EPHA6: variants seen among roughly 807,000 people sequenced by gnomAD.
EPHA6 encodes EPH receptor A6.
A neutral mutation model predicts 112.0 loss-of-function variants in EPHA6; 50 were observed. The ratio of observed to expected loss-of-function variants is 0.45; its 90% CI spans 0.36 to 0.56. The LOEUF is 0.56. Among genes scored for constraint, EPHA6 ranks in the 20% least tolerant of loss-of-function variants. The pLI is 0.00. For missense variants in EPHA6, 1,280 were observed against 1,417.4 expected, an observed-to-expected ratio of 0.90 and a Z score of 1.56; for synonymous variants, 529 against 490.7, an observed-to-expected ratio of 1.08 and a Z score of -1.03.
chr3:97,703,656 C>T, intron 14 of EPHA6, among the ~76,000 whole-genome samples: 1 of 152,082 alleles, frequency 6.6e-6, no homozygotes. Context: ...TTATCAAAAG[C>T]ACAATCACAT....
At chr3:97,010,073 T>A in intron 3 of EPHA6, 2 of 1,291,358 alleles carry the variant, frequency 1.5e-6, no homozygotes, top group Admixed American at 2.4e-5. Flanking sequence ...CTTTGAAGAA[T>A]AAAAGAAAAA....
chr3:97,601,427 T>C (rs1450561107), intron 12 of EPHA6, among the ~76,000 whole-genome samples: 2 of 152,110 alleles, frequency 1.3e-5, no homozygotes, highest in African/African-American at 4.8e-5. Context: ...CAGGATAGCA[T>C]ACATGCCCTC....
chr3:96,828,734 A>T (rs969859192), intron 1 of EPHA6, among the ~76,000 whole-genome samples: 2 of 152,052 alleles, frequency 1.3e-5, no homozygotes, highest in Non-Finnish European at 2.9e-5. Flanking sequence ...TCCATTCCCA[A>T]CACCTCCACA....
At chr3:97,072,113 A>G (rs2046377604) in intron 3 of EPHA6, among the ~76,000 whole-genome samples, 1 of 152,120 alleles carries the variant, frequency 6.6e-6, no homozygotes, top group South Asian at 2.1e-4. Context: ...TAGCAGCACA[A>G]TTTGCAATTG....
At position 96,928,796 on chromosome 3, in the gene EPHA6, G is replaced by A. The variant is rs574494170; in HGVS notation, c.451-58534G>A. Among the ~76,000 whole-genome samples, 127 of 152,174 alleles carry A rather than the reference G, an allele frequency of 8.3e-4. 1 individual carries two copies. Among genetic ancestry groups the A allele is most frequent in the African/African-American group, 2.9e-3 (121 of 41,510 alleles). On this transcript the variant is annotated intron_variant, in intron 2 of 17. Coordinates refer to ENST00000389672, the MANE Select transcript of EPHA6 (RefSeq NM_001080448.3). ...CTAAGATCTTGCTTTATGAATCTGGGTGCTCCTCTATTGGGTGCATATATA... is the reference window on the plus strand; with the variant it reads ...CTAAGATCTTGCTTTATGAATCTGGATGCTCCTCTATTGGGTGCATATATA...
At chr3:97,045,798 T>C (rs2045484993) in intron 3 of EPHA6, among the ~76,000 whole-genome samples, 1 of 152,126 alleles carries the variant, frequency 6.6e-6, no homozygotes, top group Non-Finnish European at 1.5e-5. Flanking sequence ...ACTGCCCTTC[T>C]TGAAATGGTG....
intron 2 of EPHA6, among the ~76,000 whole-genome samples, chr3:96,869,046 A>C (rs62262947): frequency 0.029 from 4,390 of 152,122 alleles, 101 homozygotes; most frequent in Middle Eastern, 0.068. Context: ...CAGAAATGAA[A>C]AGAGAATTAT....
At chr3:97,171,926 A>G (rs2076713963) in intron 3 of EPHA6, among the ~76,000 whole-genome samples, 1 of 152,116 alleles carries the variant, frequency 6.6e-6, no homozygotes, top group Non-Finnish European at 1.5e-5. Flanking sequence ...AGGCTATACT[A>G]TCAAGTAAAT....
intron 1 of EPHA6, among the ~76,000 whole-genome samples, chr3:96,847,136 G>A (rs560362504): frequency 1.4e-3 from 220 of 152,106 alleles, no homozygotes; most frequent in Non-Finnish European, 2.5e-3. Flanking sequence ...TAGAGTGAAA[G>A]TCTATTTATT....
At position 97,481,457 on chromosome 3, in the gene EPHA6, A is replaced by C. The variant is rs919770834; in HGVS notation, c.2074+2093A>C. 1.1e-5 allele frequency: 15 copies of C among 1,314,468 alleles called. No homozygotes were observed. In the African/African-American group the frequency reaches 1.9e-4, roughly 17 times the overall value. 81.4% of individuals were successfully genotyped at this position (1,314,468 alleles called of 1,614,324 possible). A position where few individuals can be genotyped will look rare whatever the true frequency, so the allele number is the denominator to read the frequency against. The stretch of plus-strand genomic sequence containing the variant: ...ATACAGGCTTTCCTTTGCAGTTAAA[A>C]ATATTTCAGAGGCAATAAGGAAGGC... On this transcript the variant is annotated intron_variant, in intron 9 of 17. Coordinates refer to ENST00000389672, the MANE Select transcript of EPHA6 (RefSeq NM_001080448.3).
At chr3:97,614,116 TG>T (rs1378679369) in intron 13 of EPHA6, among the ~76,000 whole-genome samples, 2 of 152,158 alleles carry the variant, frequency 1.3e-5, no homozygotes, top group African/African-American at 4.8e-5. Flanking sequence ...TTTTGTTTTT[TG>T]TTTTTATTAT....
intron 12 of EPHA6, 92 bp from the exon 13 acceptor site, chr3:97,610,701 A>G (rs2093712166): frequency 2.1e-6 from 2 of 972,198 alleles, no homozygotes; most frequent in African/African-American, 1.7e-5. Flanking sequence ...TAAAATACAA[A>G]TAATTTAGTT....
At chr3:96,950,072 T>C (rs536200620) in intron 2 of EPHA6, among the ~76,000 whole-genome samples, 21 of 152,302 alleles carry the variant, frequency 1.4e-4, no homozygotes, top group African/African-American at 5.1e-4. Flanking sequence ...AAAACTTCCA[T>C]TAACTTGTCA....
intron 2 of EPHA6, among the ~76,000 whole-genome samples, chr3:96,973,804 G>A (rs1422764676): frequency 4.3e-5 from 6 of 138,086 alleles, no homozygotes; most frequent in Non-Finnish European, 7.6e-5. Flanking sequence ...CAGCCTGGGC[G>A]ACAGAGCGAG....
intron 14 of EPHA6, among the ~76,000 whole-genome samples, chr3:97,692,084 T>G (rs2032706349): frequency 6.6e-6 from 1 of 152,160 alleles, no homozygotes. Context: ...CCTAAGAAAT[T>G]AAAAAACTTA....
intron 5 of EPHA6, among the ~76,000 whole-genome samples, chr3:97,369,641 G>A (rs139127997): frequency 6.6e-6 from 1 of 152,132 alleles, no homozygotes; most frequent in Non-Finnish European, 1.5e-5. Context: ...CCTTGCTCAC[G>A]GGACTTCCCT....
At chr3:97,450,770 A>T (rs1467063978) in intron 7 of EPHA6, among the ~76,000 whole-genome samples, 1 of 152,066 alleles carries the variant, frequency 6.6e-6, no homozygotes, top group Non-Finnish European at 1.5e-5. Flanking sequence ...GGGATAAAAA[A>T]TAATAATAAG....
chr3:97,071,927 C>T (rs1470019128), intron 3 of EPHA6, among the ~76,000 whole-genome samples: 1 of 151,914 alleles, frequency 6.6e-6, no homozygotes, highest in African/African-American at 2.4e-5. Context: ...TGCCTTTGCA[C>T]CCTCATAGCT....
rs1049031601 is a variant in EPHA6, at chr3:97,605,299, T to C, written c.2513-5494T>C. On this transcript the variant is annotated intron_variant, in intron 12 of 17. Transcript: ENST00000389672. Reference sequence around the variant, plus strand: ...GAAATTATGAGTCACTGAGAGAAATTGTAAAGGAGCCATAAACTCTTTGCC... The same window carrying C: ...GAAATTATGAGTCACTGAGAGAAATCGTAAAGGAGCCATAAACTCTTTGCC... 2.0e-4 allele frequency among the ~76,000 whole-genome samples: 30 copies of C among 151,322 alleles called. 1 individual carries two copies. Among genetic ancestry groups the C allele is most frequent in the Admixed American group, 6.6e-4 (10 of 15,146 alleles).
Sources: gnomAD v4.1 joint callset for allele counts (sites outside exome capture counted in the v4.1 genomes callset) on GRCh38, gnomAD v4.1.1 for gene constraint, MANE v1.5 for transcripts, NCBI Gene and HGNC (gene_info 2026-07-23, HGNC 2026-07-21) for gene names.